SNX29: variants seen among roughly 807,000 people sequenced by gnomAD.
The protein encoded by SNX29 is sorting nexin 29, also known as sorting nexin-29.
In SNX29, 78 loss-of-function variants were observed where a neutral mutation model predicts 102.1. The observed-to-expected ratio is 0.76, with a 90% CI of 0.64 to 0.92. The LOEUF (loss-of-function observed/expected upper bound fraction) is 0.92. Among genes scored for constraint, SNX29 ranks in the 40% least tolerant of loss-of-function variants. The pLI is 0.00. For synonymous variants in SNX29, 580 were observed against 414.5 expected, an observed-to-expected ratio of 1.40 and a Z score of -4.85; for missense variants, 1,280 against 1,061.7, an observed-to-expected ratio of 1.21 and a Z score of -2.86.
intron 13 of SNX29, among the ~76,000 whole-genome samples, chr16:12,156,038 G>A (rs1361282184): frequency 1.3e-5 from 2 of 152,184 alleles, no homozygotes; most frequent in Non-Finnish European, 2.9e-5. Context: ...GGGCATATTG[G>A]TCTCTTTGCT....
At chr16:12,432,115 G>A (rs2085340674) in intron 18 of SNX29, among the ~76,000 whole-genome samples, 1 of 152,210 alleles carries the variant, frequency 6.6e-6, no homozygotes, top group Non-Finnish European at 1.5e-5. Context: ...AGGACACAGG[G>A]GTGGAGGCTG....
At position 12,247,057 on chromosome 16, in the gene SNX29, T is replaced by C. The variant is rs187873048; in HGVS notation, c.1679-30876T>C. On this transcript the variant is annotated intron_variant, in intron 14 of 20. Transcript: ENST00000566228. ...GGTCCCTGGAAAGGTTTGATCTTTA[T>C]CCTAAGAAAGATAGAAAACCTTTGA... 1.0e-3 allele frequency among the ~76,000 whole-genome samples: 155 copies of C among 152,246 alleles called. 3 individuals carry two copies. The East Asian group carries it at 0.021, about 21-fold the overall frequency.
Position 12,454,995 on chromosome 16 carries a change from G to A in SNX29, c.2038-22724G>A, listed in dbSNP as rs532458127. ...ACTCCTGACCTCAAGTGATCCACCC[G>A]CCTCGGCCTCCCAAAGTGCTGAGAT... On this transcript the variant is annotated intron_variant, in intron 18 of 20. Coordinates refer to ENST00000566228, the MANE Select transcript of SNX29 (RefSeq NM_032167.5). 1.8e-4 allele frequency among the ~76,000 whole-genome samples: 28 copies of A among 152,236 alleles called. No individual in the cohort carries two copies. The East Asian group carries it at 4.8e-3, about 26-fold the overall frequency.
At chr16:12,054,864 C>A (rs2050454654) in intron 8 of SNX29, among the ~76,000 whole-genome samples, 1 of 152,188 alleles carries the variant, frequency 6.6e-6, no homozygotes, top group African/African-American at 2.4e-5. Flanking sequence ...TGAAATGTTT[C>A]CCCTTTTGTT....
At chr16:11,986,923 C>G (rs1041238793) in intron 1 of SNX29, among the ~76,000 whole-genome samples, 12 of 152,174 alleles carry the variant, frequency 7.9e-5, no homozygotes, top group Non-Finnish European at 1.8e-4. Flanking sequence ...CTATAGTTGA[C>G]TGACCCCTAC....
chr16:12,095,675 G>A (rs1428886265), intron 11 of SNX29, among the ~76,000 whole-genome samples: 1 of 152,184 alleles, frequency 6.6e-6, no homozygotes, highest in Non-Finnish European at 1.5e-5. Flanking sequence ...TTAGCTGTGG[G>A]TATTCAGCTT....
At chr16:12,415,673 G>T (rs975732386) in intron 18 of SNX29, among the ~76,000 whole-genome samples, 1 of 152,064 alleles carries the variant, frequency 6.6e-6, no homozygotes, top group African/African-American at 2.4e-5. Context: ...ATCCAGGGGA[G>T]GAAGTGAGGC....
Position 12,538,180 on chromosome 16 carries a change from A to G in SNX29, c.2318+13339A>G, listed in dbSNP as rs118149644. Among the ~76,000 whole-genome samples the G allele has an allele frequency of 1.5e-3, 234 of 152,128 alleles. 3 individuals are homozygous for G. In the East Asian group the frequency reaches 0.019, roughly 12 times the overall value. On this transcript the variant is annotated intron_variant, in intron 20 of 20. Coordinates refer to ENST00000566228, the MANE Select transcript of SNX29 (RefSeq NM_032167.5). Reference sequence around the variant, plus strand: ...ACCCAGAATAGAGTGCAGTGGTGTGATCTAGGCTCACCGCAAGCTCTGTGT... The same window carrying G: ...ACCCAGAATAGAGTGCAGTGGTGTGGTCTAGGCTCACCGCAAGCTCTGTGT...
intron 18 of SNX29, among the ~76,000 whole-genome samples, chr16:12,431,711 A>T (rs1377941420): frequency 6.6e-6 from 1 of 152,136 alleles, no homozygotes; most frequent in Admixed American, 6.5e-5. Flanking sequence ...TCTGCTTCAG[A>T]GTGTCAAGAA....
intron 20 of SNX29, among the ~76,000 whole-genome samples, chr16:12,562,997 C>G (rs1394705639): frequency 6.8e-6 from 1 of 146,086 alleles, no homozygotes; most frequent in Admixed American, 6.8e-5. Context: ...AGAAAAACTG[C>G]TTCAATGCGC....
intron 15 of SNX29, among the ~76,000 whole-genome samples, chr16:12,332,343 T>G (rs1596950018): frequency 6.6e-6 from 1 of 152,190 alleles, no homozygotes; most frequent in Non-Finnish European, 1.5e-5. Flanking sequence ...TGCATGAAGC[T>G]CCGTCATTTT....
intron 18 of SNX29, among the ~76,000 whole-genome samples, chr16:12,470,704 C>G (rs1360594586): frequency 6.6e-6 from 1 of 152,222 alleles, no homozygotes; most frequent in Non-Finnish European, 1.5e-5. Context: ...GTTTCCCCGC[C>G]TGCCTAGCAT....
At chr16:12,257,009 C>G (rs551007760) in intron 14 of SNX29, among the ~76,000 whole-genome samples, 1 of 152,126 alleles carries the variant, frequency 6.6e-6, no homozygotes, top group Non-Finnish European at 1.5e-5. Flanking sequence ...GGTCAGAAGC[C>G]GTGGATTTCA....
intron 20 of SNX29, chr16:12,556,474 C>CG (rs1567193389): frequency 6.6e-6 from 1 of 152,288 alleles, no homozygotes; most frequent in African/African-American, 2.4e-5. Context: ...GCCAAAAGCA[C>CG]AAGGAGGAGT....
chr16:12,235,652 G>A (rs113104009), intron 14 of SNX29, among the ~76,000 whole-genome samples: 2,546 of 152,034 alleles, frequency 0.017, 73 homozygotes, highest in African/African-American at 0.059. Context: ...ATAACACAGA[G>A]GAAAGAAGTG....
chr16:12,209,809 C>T (rs975258381), intron 14 of SNX29, among the ~76,000 whole-genome samples: 1 of 152,166 alleles, frequency 6.6e-6, no homozygotes, highest in Non-Finnish European at 1.5e-5. Flanking sequence ...GTGTGTTGTC[C>T]TTAACAAGGT....
intron 11 of SNX29, among the ~76,000 whole-genome samples, chr16:12,099,606 G>A (rs978512167): frequency 3.3e-5 from 5 of 152,174 alleles, no homozygotes; most frequent in Non-Finnish European, 7.4e-5. Context: ...CGGTGAGGGT[G>A]GAGTCCTGTC....
intron 20 of SNX29, among the ~76,000 whole-genome samples, chr16:12,550,741 A>G (rs928180538): frequency 6.6e-6 from 1 of 152,070 alleles, no homozygotes; most frequent in African/African-American, 2.4e-5. Context: ...CCTATTTAAA[A>G]AAGGTGATAA....
Position 12,545,186 on chromosome 16 carries a change from G to C in SNX29, c.2318+20345G>C, listed in dbSNP as rs1425434618. On this transcript the variant is annotated intron_variant, in intron 20 of 20. Coordinates refer to ENST00000566228, the MANE Select transcript of SNX29 (RefSeq NM_032167.5). ...GCCAGCCGTCAGAGAAACAAATATG[G>C]TCAATACAAAAAAGGAAGGGGTGGG... Among the ~76,000 whole-genome samples, 12 of 152,262 alleles carry C rather than the reference G, an allele frequency of 7.9e-5. No individual in the cohort carries two copies. In the South Asian group the frequency reaches 2.5e-3, roughly 32 times the overall value.
Sources: allele counts gnomAD v4.1 joint callset (sites outside exome capture counted in the v4.1 genomes callset), GRCh38; gene constraint gnomAD v4.1.1; transcripts MANE v1.5; gene names NCBI Gene and HGNC (gene_info 2026-07-23, HGNC 2026-07-21).